The following WDR76 variants were observed in gnomAD, a reference collection of about 807,000 sequenced individuals.
WDR76 encodes the protein WD repeat domain 76.
A neutral mutation model predicts 70.2 loss-of-function variants in WDR76; 52 were observed. The ratio of observed to expected loss-of-function variants is 0.74; its 90% CI spans 0.59 to 0.93. The LOEUF is 0.93. Ranked by LOEUF, WDR76 falls within the 40% of genes least tolerant of loss-of-function variation. The pLI, the probability that WDR76 is intolerant of heterozygous loss-of-function variation, is 0.00. For synonymous variants in WDR76, 292 were observed against 271.1 expected (o/e 1.08, Z -0.76); for missense variants, 756 against 760.2 (o/e 0.99, Z 0.07).
Position 43,832,486 on chromosome 15 carries a change from C to T in WDR76, c.463-2575C>T, listed in dbSNP as rs115958905. On this transcript the variant is annotated intron_variant, in intron 2 of 12. Transcript: ENST00000263795. ...CTTGAGGTGGGGTCTCACCCTGTCGCCCAGGCTGGAGAGCAGTGGCACAGT... is the reference window on the plus strand; with the variant it reads ...CTTGAGGTGGGGTCTCACCCTGTCGTCCAGGCTGGAGAGCAGTGGCACAGT... Among the ~76,000 whole-genome samples the T allele has an allele frequency of 6.2e-3, 943 of 151,758 alleles. 12 individuals are homozygous for T. Among genetic ancestry groups the T allele is most frequent in the African/African-American group, 0.022 (896 of 41,342 alleles).
At chr15:43,839,936 C>T (rs529883940) in intron 5 of WDR76, among the ~76,000 whole-genome samples, 1 of 152,234 alleles carries the variant, frequency 6.6e-6, no homozygotes, top group Admixed American at 6.5e-5. Flanking sequence ...TGCCTCACTG[C>T]AACCCCCTCC....
At chr15:43,857,961 CTTTTTTTTTT>C (rs397854561) in intron 10 of WDR76, among the ~76,000 whole-genome samples, 2 of 95,536 alleles carry the variant, frequency 2.1e-5, no homozygotes, top group Non-Finnish European at 4.4e-5. Flanking sequence ...AGGGTTCTGT[CTTTTTTTTTT>C]TTTTTTTTTT....
chr15:43,827,049 C>T lies in WDR76; in HGVS notation c.17C>T (p.Ala6Val), dbSNP rs984061108. 2 of 1,614,102 alleles carry T rather than the reference C, an allele frequency of 1.2e-6. No homozygotes were observed. Among genetic ancestry groups the T allele is most frequent in the Admixed American group, 3.3e-5 (2 of 60,020 alleles). ...AGCCGAAAGATGTCCAGGTCGGGCG[C>T]GGCGGCTGAGAAGGCGGACTCCAGA... MSRSG[A>V]AAEKADSRQR... Residue 6 changes from alanine (A) to valine (V), a missense_variant, in exon 1 of 13, where the codon GCG becomes GTG. Coordinates refer to ENST00000263795, the MANE Select transcript of WDR76 (RefSeq NM_024908.4).
intron 7 of WDR76, 57 bp downstream of exon 7, chr15:43,842,728 G>C (rs531946507): frequency 8.7e-6 from 13 of 1,491,534 alleles, no homozygotes; most frequent in Admixed American, 5.7e-5. Context: ...GAGTTATAAA[G>C]ACTATACGCC....
At chr15:43,853,379 C>T (rs1031230506) in intron 9 of WDR76, among the ~76,000 whole-genome samples, 1 of 151,402 alleles carries the variant, frequency 6.6e-6, no homozygotes, top group Admixed American at 6.6e-5. Context: ...TTAGTAGAGA[C>T]GGTGTTTTGC....
chr15:43,828,445 ATC>A, intron 2 of WDR76, 79 bp downstream of exon 2: 1 of 1,343,750 alleles, frequency 7.4e-7, no homozygotes, highest in Non-Finnish European at 1.0e-6. Context: ...TTTTTCGAGG[ATC>A]TCTCTGGTAC....
Position 43,844,035 on chromosome 15 carries a change from A to C in WDR76, c.1013A>C (p.Gln338Pro). 5 of 1,612,050 alleles carry C rather than the reference A, an allele frequency of 3.1e-6. No individual in the cohort carries two copies. The highest frequency in any genetic ancestry group is 4.2e-6 in the Non-Finnish European group (5 of 1,179,434). Reference protein sequence around the residue: ...TLVAVGAKFGQVGLCDLTQQP... With the variant: ...TLVAVGAKFGPVGLCDLTQQP... ...GTAGCAGTTGGGGCCAAATTTGGGC[A>C]AGTTGGACTTTGTGATTTGGTAAGT... Residue 338 changes from glutamine (Q) to proline (P), a missense_variant, in exon 8 of 13, where the codon CAA becomes CCA. Physicochemically the swap from Gln to Pro is moderately conservative, Grantham distance 76. Transcript: ENST00000263795.
At chr15:43,856,233 T>C (rs1363781678) in intron 9 of WDR76, among the ~76,000 whole-genome samples, 1 of 152,222 alleles carries the variant, frequency 6.6e-6, no homozygotes, top group African/African-American at 2.4e-5. Context: ...TAAGCAATCT[T>C]GCAGCAGACA....
intron 8 of WDR76, among the ~76,000 whole-genome samples, chr15:43,846,562 G>T (rs1037388274): frequency 7.4e-6 from 1 of 135,694 alleles, no homozygotes; most frequent in Middle Eastern, 3.4e-3. Flanking sequence ...GGGATTACAG[G>T]TGTGAGCCAC....
chr15:43,851,137 G>A lies in WDR76; in HGVS notation c.1083G>A (p.Gln361=), dbSNP rs768461819. 24 of 1,614,062 alleles carry A rather than the reference G, an allele frequency of 1.5e-5. No homozygotes were observed. Among genetic ancestry groups the A allele is most frequent in the Non-Finnish European group, 2.0e-5 (24 of 1,180,024 alleles). ...TTTATGTTTTTCATCCCCATAGTCA[G>A]CCAGTTAGCTGTCTTTACTTCTCAC... is the stretch of plus-strand genomic sequence containing the variant. The part of the protein sequence containing the change: ...DGVYVFHPHS[Q]PVSCLYFSPA... The change falls in exon 9 of 13, where the codon CAG becomes CAA. Residue 361 remains glutamine, a synonymous_variant. Coordinates refer to ENST00000263795, the MANE Select transcript of WDR76 (RefSeq NM_024908.4).
At chr15:43,854,223 A>G (rs2087899820) in intron 9 of WDR76, among the ~76,000 whole-genome samples, 2 of 152,164 alleles carry the variant, frequency 1.3e-5, no homozygotes, top group South Asian at 4.1e-4. Flanking sequence ...ATGAAAGCAC[A>G]TGTCCACACA....
At chr15:43,839,181 T>A (rs990889601) in intron 4 of WDR76, among the ~76,000 whole-genome samples, 5 of 152,190 alleles carry the variant, frequency 3.3e-5, no homozygotes, top group African/African-American at 1.2e-4. Flanking sequence ...TAGACCTTAG[T>A]TTTCCAGGCC....
chr15:43,835,087 A>G lies in WDR76; in HGVS notation c.489A>G (p.Glu163=). The G allele has an allele frequency of 6.2e-7, 1 of 1,614,150 alleles. No individual in the cohort carries two copies. Among genetic ancestry groups the G allele is most frequent in the South Asian group, 1.1e-5 (1 of 91,078 alleles). The stretch of plus-strand genomic sequence containing the variant: ...ATTTTTCGGGATTGTCACCCTACGA[A>G]AGGAAGAGACTGAAGAACATATCAG... ...SLDFSGLSPY[E]RKRLKNISEN... is the part of the protein sequence containing the mutation. Residue 163 remains glutamate (E), a synonymous_variant, in exon 3 of 13, where the codon GAA becomes GAG. Coordinates refer to ENST00000263795, the MANE Select transcript of WDR76 (RefSeq NM_024908.4).
intron 9 of WDR76, among the ~76,000 whole-genome samples, chr15:43,855,943 C>A (rs1359436598): frequency 6.6e-6 from 1 of 152,038 alleles, no homozygotes; most frequent in East Asian, 1.9e-4. Context: ...TCACAAGTAA[C>A]CGTTGTTGCA....
intron 12 of WDR76, chr15:43,864,077 TTAACA>T (rs1177415021): frequency 6.6e-6 from 1 of 152,234 alleles, no homozygotes; most frequent in Non-Finnish European, 1.5e-5. Flanking sequence ...CTTGTTTTAC[TTAACA>T]TAATGTCTCC....
intron 9 of WDR76, among the ~76,000 whole-genome samples, chr15:43,854,999 G>T (rs1480344829): frequency 6.6e-6 from 1 of 150,914 alleles, no homozygotes; most frequent in Non-Finnish European, 1.5e-5. Context: ...ATTACGTCAT[G>T]ACCTTTTGTA....
chr15:43,857,153 G>A lies in WDR76; in HGVS notation c.1399G>A (p.Ala467Thr). The A allele has an allele frequency of 6.2e-7, 1 of 1,612,898 alleles. No individual in the cohort carries two copies. Among genetic ancestry groups the A allele is most frequent in the South Asian group, 1.1e-5 (1 of 90,788 alleles). ...HPVHRQYFIT[A>T]GLRDTHIYDA... ...AGTGCATAGACAGTATTTTATCACT[G>A]CCGGATTGAGGTATGGTCTTTATAA... The change falls in exon 10 of 13, where the codon GCC (alanine) becomes ACC (threonine). Residue 467 changes from alanine (A) to threonine (T), a missense_variant. Transcript: ENST00000263795.
At position 43,867,656 on chromosome 15, in the gene WDR76, T is replaced by G. The variant is rs1029169524; in HGVS notation, c.*1264T>G. On this transcript the variant is annotated 3_prime_UTR_variant, in exon 13 of 13. Coordinates refer to ENST00000263795, the MANE Select transcript of WDR76 (RefSeq NM_024908.4). ...ATGAAGAAGGCCCCAGGCTTACCTGTCCCGATCTTTAAACTGTCCGAAGGA... is the reference window on the plus strand; with the variant it reads ...ATGAAGAAGGCCCCAGGCTTACCTGGCCCGATCTTTAAACTGTCCGAAGGA... The G allele has an allele frequency of 6.6e-6, 1 of 152,016 alleles. No individual in the cohort carries two copies. The highest frequency in any genetic ancestry group is 6.6e-5 in the Admixed American group (1 of 15,260). 9.4% of individuals were successfully genotyped at this position (152,016 alleles called of 1,614,324 possible).
rs1315324679 is a variant in WDR76 at position 43,857,036 on chromosome 15, A to T, written c.1282A>T (p.Met428Leu). ...AATAGTAGGACACTGGGATGGAAATATGTCACTGGTGGATAGACGGACACC... is the reference window on the plus strand; with the variant it reads ...AATAGTAGGACACTGGGATGGAAATTTGTCACTGGTGGATAGACGGACACC... ...TLIVGHWDGN[M>L]SLVDRRTPGT... Residue 428 changes from methionine to leucine, a missense_variant, in exon 10 of 13, where the codon ATG becomes TTG. Met to Leu is a conservative substitution (Grantham distance 15). Coordinates refer to ENST00000263795, the MANE Select transcript of WDR76 (RefSeq NM_024908.4). 6.2e-7 allele frequency: 1 copy of T among 1,614,144 alleles called. No homozygotes were observed. Among genetic ancestry groups the T allele is most frequent in the Non-Finnish European group, 8.5e-7 (1 of 1,180,006 alleles).
Sources: gnomAD v4.1 joint callset for allele counts (sites outside exome capture counted in the v4.1 genomes callset) on GRCh38, gnomAD v4.1.1 for gene constraint, MANE v1.5 for transcripts, NCBI Gene and HGNC (gene_info 2026-07-23, HGNC 2026-07-21) for gene names.